The following TBC1D5 variants were observed in gnomAD, a reference collection of about 807,000 sequenced individuals.
TBC1D5 encodes TBC1 domain family member 5, also known as TBC1 domain family, member 5.
TBC1D5 carries 75 observed loss-of-function variants against 100.3 expected under a neutral mutation model. That is an observed-to-expected ratio of 0.75 (90% confidence interval 0.62 to 0.91). The LOEUF (loss-of-function observed/expected upper bound fraction) is 0.91. Ranked by LOEUF, TBC1D5 falls within the 40% of genes least tolerant of loss-of-function variation. The pLI is 0.00. For missense variants in TBC1D5, 910 were observed against 942.4 expected, an observed-to-expected ratio of 0.97 and a Z score of 0.45; for synonymous variants, 323 against 325.6, an observed-to-expected ratio of 0.99 and a Z score of 0.09.
At chr3:17,404,808 G>C (rs776342252) in intron 6 of TBC1D5, 40 bp from the exon 7 acceptor site, 19 of 1,584,314 alleles carry the variant, frequency 1.2e-5, no homozygotes, top group Middle Eastern at 1.7e-4. Flanking sequence ...AGGATCAGAG[G>C]CTACTGGACT....
intron 16 of TBC1D5, among the ~76,000 whole-genome samples, chr3:17,250,506 A>G (rs984696658): frequency 1.3e-5 from 2 of 152,136 alleles, no homozygotes; most frequent in African/African-American, 4.8e-5. Flanking sequence ...TTTACTACCA[A>G]TGTCATTTGC....
intron 3 of TBC1D5, among the ~76,000 whole-genome samples, chr3:17,454,088 C>A (rs1288318715): frequency 1.3e-5 from 2 of 152,090 alleles, no homozygotes; most frequent in Non-Finnish European, 2.9e-5. Context: ...AGGATAAACG[C>A]CTTTAAAAAA....
At chr3:17,678,672 A>T (rs1433679479) in intron 1 of TBC1D5, among the ~76,000 whole-genome samples, 30 of 41,402 alleles carry the variant, frequency 7.2e-4, no homozygotes, top group East Asian at 0.026. Flanking sequence ...GGGATAAAAA[A>T]AAAAAAAAAA....
intron 14 of TBC1D5, among the ~76,000 whole-genome samples, chr3:17,304,432 G>T (rs747016932): frequency 2.0e-5 from 3 of 152,076 alleles, no homozygotes; most frequent in Non-Finnish European, 4.4e-5. Context: ...TTTAGACAGG[G>T]TCTTGCTCTG....
At chr3:17,377,897 A>T (rs2092774709) in intron 9 of TBC1D5, among the ~76,000 whole-genome samples, 2 of 151,850 alleles carry the variant, frequency 1.3e-5, no homozygotes, top group Admixed American at 6.6e-5. Context: ...TTTATAGGTA[A>T]CCATCTCCTT....
intron 13 of TBC1D5, among the ~76,000 whole-genome samples, chr3:17,316,383 C>T (rs1348582440): frequency 1.3e-5 from 2 of 152,116 alleles, no homozygotes; most frequent in South Asian, 2.1e-4. Flanking sequence ...TTGCAGACCC[C>T]TTTGAGAATG....
chr3:17,447,614 A>G (rs1054295678), intron 3 of TBC1D5, among the ~76,000 whole-genome samples: 17 of 152,230 alleles, frequency 1.1e-4, no homozygotes, highest in East Asian at 5.8e-4. Flanking sequence ...TCAGGAAATC[A>G]TAAGTTTAAA....
chr3:17,283,725 A>G (rs899469691), intron 15 of TBC1D5, among the ~76,000 whole-genome samples: 1 of 151,788 alleles, frequency 6.6e-6, no homozygotes, highest in Non-Finnish European at 1.5e-5. Flanking sequence ...AATCTTTCTG[A>G]AATTTCAAAC....
intron 1 of TBC1D5, among the ~76,000 whole-genome samples, chr3:17,694,378 C>G (rs1201841382): frequency 6.6e-6 from 1 of 151,864 alleles, no homozygotes; most frequent in Non-Finnish European, 1.5e-5. Flanking sequence ...CTAACTAGAA[C>G]AAACAGTGTA....
At chr3:17,681,808 G>A (rs1277630726) in intron 1 of TBC1D5, among the ~76,000 whole-genome samples, 1 of 151,578 alleles carries the variant, frequency 6.6e-6, no homozygotes, top group Non-Finnish European at 1.5e-5. Context: ...CAAGAAGTGA[G>A]TGGCAGACCA....
chr3:17,720,604 T>G (rs1198682701), intron 1 of TBC1D5, among the ~76,000 whole-genome samples: 1 of 151,994 alleles, frequency 6.6e-6, no homozygotes, highest in Non-Finnish European at 1.5e-5. Context: ...CCCAGGAAGT[T>G]TGAGACCAGC....
chr3:17,309,879 C>A (rs929172641), intron 13 of TBC1D5, among the ~76,000 whole-genome samples: 1 of 152,182 alleles, frequency 6.6e-6, no homozygotes, highest in Middle Eastern at 3.4e-3. Flanking sequence ...TGTTTGCACT[C>A]TTAAACGATG....
intron 18 of TBC1D5, among the ~76,000 whole-genome samples, chr3:17,212,561 CAGA>C (rs1419472421): frequency 6.6e-6 from 1 of 151,508 alleles, no homozygotes; most frequent in Non-Finnish European, 1.5e-5. Context: ...GGAAGTATTC[CAGA>C]AGAAGGCATT....
chr3:17,652,062 T>C (rs2065630016), intron 1 of TBC1D5, among the ~76,000 whole-genome samples: 2 of 152,304 alleles, frequency 1.3e-5, no homozygotes, highest in African/African-American at 4.8e-5. Context: ...GACTTGATTT[T>C]AAACCATTAA....
chr3:17,474,689 A>G (rs139786395), intron 3 of TBC1D5, among the ~76,000 whole-genome samples: 3 of 152,286 alleles, frequency 2.0e-5, no homozygotes, highest in African/African-American at 7.2e-5. Context: ...ATTTTAATGC[A>G]TCATTGACAT....
At chr3:17,502,610 C>G (rs1229128368) in intron 3 of TBC1D5, among the ~76,000 whole-genome samples, 2 of 149,320 alleles carry the variant, frequency 1.3e-5, no homozygotes, top group African/African-American at 5.1e-5. Context: ...TCTTCCAGCC[C>G]AATTCTAAGT....
At chr3:17,308,052 G>C (rs1427774508) in exon 14 of TBC1D5, 2 of 1,610,262 alleles carry the variant, frequency 1.2e-6, no homozygotes, top group East Asian at 2.2e-5. Flanking sequence ...CCCAGGCTGA[G>C]GCCGTCTGCA....
chr3:17,550,421 C>T (rs1216971328), intron 2 of TBC1D5, among the ~76,000 whole-genome samples: 2 of 152,026 alleles, frequency 1.3e-5, no homozygotes, highest in Admixed American at 6.6e-5. Flanking sequence ...TGAAATACCA[C>T]TACACTGTTA....
intron 2 of TBC1D5, among the ~76,000 whole-genome samples, chr3:17,519,419 G>A (rs564329476): frequency 6.6e-5 from 10 of 152,012 alleles, no homozygotes; most frequent in East Asian, 1.9e-4. Flanking sequence ...TACCTTCTTC[G>A]CCTTACCAAC....
Sources: gnomAD v4.1 joint callset for allele counts (sites outside exome capture counted in the v4.1 genomes callset) on GRCh38, gnomAD v4.1.1 for gene constraint, MANE v1.5 for transcripts, NCBI Gene and HGNC (gene_info 2026-07-23, HGNC 2026-07-21) for gene names.